Variants in NDUFAF2 observed in about 807,000 individuals in gnomAD.
NDUFAF2 encodes NADH:ubiquinone oxidoreductase complex assembly factor 2.
Under a neutral mutation model 22.8 loss-of-function variants are expected in NDUFAF2, and 13 were observed. That is an observed-to-expected ratio of 0.57 (90% CI 0.37 to 0.91). The LOEUF (loss-of-function observed/expected upper bound fraction) is 0.91. NDUFAF2 is among the 40% of genes least tolerant of loss of function. The probability of loss-of-function intolerance (pLI) is 0.01; values close to 1 mark genes in which losing one functional copy is unlikely to be tolerated. For missense variants in NDUFAF2, 162 were observed against 195.2 expected, an observed-to-expected ratio of 0.83 and a Z score of 1.01; for synonymous variants, 53 against 64.2, an observed-to-expected ratio of 0.83 and a Z score of 0.84.
intron 2 of NDUFAF2, among the ~76,000 whole-genome samples, chr5:61,081,480 C>G (rs2111743132): frequency 6.6e-6 from 1 of 152,234 alleles, no homozygotes; most frequent in Middle Eastern, 3.4e-3. Flanking sequence ...TTTTCCCAGT[C>G]TCAGGATTTG....
At chr5:61,031,016 G>A (rs1434397385) in intron 1 of NDUFAF2, among the ~76,000 whole-genome samples, 1 of 151,870 alleles carries the variant, frequency 6.6e-6, no homozygotes, top group Non-Finnish European at 1.5e-5. Context: ...ATCTCTTCTG[G>A]TTAGTTCCTT....
intron 3 of NDUFAF2, among the ~76,000 whole-genome samples, chr5:61,104,494 G>T (rs71630093): frequency 5.3e-5 from 8 of 152,062 alleles, no homozygotes; most frequent in Non-Finnish European, 8.8e-5. Context: ...TTCTAGAAAC[G>T]AATAGAGAAT....
chr5:61,073,979 G>C (rs1752334419), intron 2 of NDUFAF2, among the ~76,000 whole-genome samples: 1 of 152,232 alleles, frequency 6.6e-6, no homozygotes, highest in African/African-American at 2.4e-5. Context: ...ATATTTCCTA[G>C]TTTTCCAACA....
At chr5:61,046,668 G>A (rs193251017) in intron 1 of NDUFAF2, among the ~76,000 whole-genome samples, 181 of 152,234 alleles carry the variant, frequency 1.2e-3, no homozygotes, top group Non-Finnish European at 2.4e-3. Flanking sequence ...TTTTGTGAGG[G>A]AACCAGAATT....
chr5:61,005,369 G>C (rs1027400538), intron 1 of NDUFAF2, among the ~76,000 whole-genome samples: 1 of 152,142 alleles, frequency 6.6e-6, no homozygotes. Flanking sequence ...CCAAGTCTTT[G>C]CTATTGTGAA....
Position 61,108,126 on chromosome 5 carries a change from G to A in NDUFAF2, c.258+9094G>A, listed in dbSNP as rs1429404964. Among the ~76,000 whole-genome samples, 19 of 149,028 alleles carry A rather than the reference G, an allele frequency of 1.3e-4. No homozygotes were observed. In the East Asian group the frequency reaches 3.7e-3, roughly 29 times the overall value. ...TGTTGGACATTTGGGTTGGTTCCAA[G>A]TCTTTGCTATTGTGAATAGTGCTGC... On this transcript the variant is annotated intron_variant, in intron 3 of 3. Coordinates refer to ENST00000296597, the MANE Select transcript of NDUFAF2 (RefSeq NM_174889.5).
intron 1 of NDUFAF2, among the ~76,000 whole-genome samples, chr5:60,975,786 C>T (rs1472595950): frequency 2.6e-5 from 4 of 152,102 alleles, no homozygotes; most frequent in African/African-American, 9.7e-5. Flanking sequence ...GTCAGGTGCC[C>T]TGGAAGCCAA....
At chr5:61,072,548 T>C (rs17444641) in intron 1 of NDUFAF2, among the ~76,000 whole-genome samples, 1,820 of 152,292 alleles carry the variant, frequency 0.012, 14 homozygotes, top group Middle Eastern at 0.034. Flanking sequence ...ATAGGATTAA[T>C]TGGTTGCTCT....
intron 2 of NDUFAF2, among the ~76,000 whole-genome samples, chr5:61,079,872 G>GTTT (rs1414748162): frequency 6.6e-6 from 1 of 152,136 alleles, no homozygotes; most frequent in Non-Finnish European, 1.5e-5. Context: ...GATTTTGACA[G>GTTT]GATTCCCTCC....
chr5:61,138,100 A>G (rs938000571), intron 3 of NDUFAF2, among the ~76,000 whole-genome samples: 1 of 152,360 alleles, frequency 6.6e-6, no homozygotes, highest in African/African-American at 2.4e-5. Context: ...CTGGGAAGCA[A>G]GTCCTTCCTT....
chr5:61,085,451 G>A (rs1037087501), intron 2 of NDUFAF2, among the ~76,000 whole-genome samples: 3 of 152,076 alleles, frequency 2.0e-5, no homozygotes, highest in Non-Finnish European at 4.4e-5. Flanking sequence ...CACATTCAAT[G>A]GTGAAAGGCA....
chr5:60,945,548 A>G (rs1257833992), intron 1 of NDUFAF2, 166 bp downstream of exon 1: 5 of 1,057,722 alleles, frequency 4.7e-6, no homozygotes, highest in Non-Finnish European at 7.0e-6. Context: ...TCACTCTGGC[A>G]TCGGAGCCCT....
chr5:61,135,501 A>G (rs886414013), intron 3 of NDUFAF2, among the ~76,000 whole-genome samples: 9 of 152,222 alleles, frequency 5.9e-5, no homozygotes, highest in African/African-American at 2.2e-4. Context: ...ATATGAGTTC[A>G]TTATATTAAA....
intron 1 of NDUFAF2, among the ~76,000 whole-genome samples, chr5:61,056,669 C>T (rs957626695): frequency 2.6e-5 from 4 of 151,796 alleles, no homozygotes; most frequent in South Asian, 4.2e-4. Context: ...AAGAGGATCA[C>T]CTGAGGTTGG....
intron 1 of NDUFAF2, among the ~76,000 whole-genome samples, chr5:61,072,604 A>G (rs2111731186): frequency 6.6e-6 from 1 of 151,838 alleles, no homozygotes; most frequent in African/African-American, 2.4e-5. Flanking sequence ...CTATTTATTT[A>G]TTTATTTTTT....
At chr5:61,081,824 A>T (rs1580126050) in intron 2 of NDUFAF2, among the ~76,000 whole-genome samples, 2 of 152,236 alleles carry the variant, frequency 1.3e-5, no homozygotes, top group African/African-American at 4.8e-5. Flanking sequence ...TTGTGATAAA[A>T]ATGTCTGTAG....
intron 1 of NDUFAF2, among the ~76,000 whole-genome samples, chr5:61,056,729 A>G (rs979876316): frequency 6.6e-6 from 1 of 151,088 alleles, no homozygotes; most frequent in Non-Finnish European, 1.5e-5. Flanking sequence ...CTCTACTAAA[A>G]ATACAAACAT....
intron 1 of NDUFAF2, among the ~76,000 whole-genome samples, chr5:61,053,676 G>A (rs1430929364): frequency 2.0e-5 from 3 of 152,154 alleles, no homozygotes; most frequent in African/African-American, 7.2e-5. Context: ...GTAGAAGGGT[G>A]ATAGTCCCAC....
At chr5:60,990,044 C>T (rs1008801490) in intron 1 of NDUFAF2, among the ~76,000 whole-genome samples, 1 of 152,070 alleles carries the variant, frequency 6.6e-6, no homozygotes, top group African/African-American at 2.4e-5. Context: ...TGAAATAAGC[C>T]AGGCACAGAA....
Sources: gnomAD v4.1 joint callset for allele counts (sites outside exome capture counted in the v4.1 genomes callset) on GRCh38, gnomAD v4.1.1 for gene constraint, MANE v1.5 for transcripts, NCBI Gene and HGNC (gene_info 2026-07-23, HGNC 2026-07-21) for gene names.